Variants in DGKH observed in about 807,000 individuals in gnomAD.
DGKH encodes DAG kinase eta.
A neutral mutation model predicts 159.3 loss-of-function variants in DGKH; 90 were observed. The ratio of observed to expected loss-of-function variants is 0.57; its 90% CI spans 0.48 to 0.67. The LOEUF is 0.67. Ranked by LOEUF, DGKH falls within the 30% of genes least tolerant of loss-of-function variation. The probability of loss-of-function intolerance (pLI) is 0.00; values close to 1 mark genes in which losing one functional copy is unlikely to be tolerated. For synonymous variants in DGKH, 536 were observed against 553.8 expected (o/e 0.97, Z 0.45); for missense variants, 1,181 against 1,506.1 (o/e 0.78, Z 3.57).
intron 1 of DGKH, among the ~76,000 whole-genome samples, chr13:42,118,694 A>G (rs1013701615): frequency 1.3e-5 from 2 of 152,208 alleles, no homozygotes; most frequent in African/African-American, 4.8e-5. Flanking sequence ...CAAGTGGAGC[A>G]GAGGATATTT....
chr13:42,184,594 G>C (rs1956860301), intron 13 of DGKH, among the ~76,000 whole-genome samples: 1 of 152,078 alleles, frequency 6.6e-6, no homozygotes, highest in Non-Finnish European at 1.5e-5. Context: ...TTATGCAGTG[G>C]CTCACCCCTG....
intron 24 of DGKH, among the ~76,000 whole-genome samples, chr13:42,213,775 C>T (rs941987771): frequency 6.6e-6 from 1 of 152,190 alleles, no homozygotes; most frequent in Non-Finnish European, 1.5e-5. Flanking sequence ...TGCCTTCTTG[C>T]TCATCTGCAG....
intron 9 of DGKH, among the ~76,000 whole-genome samples, chr13:42,167,281 G>A (rs1367595588): frequency 2.0e-5 from 3 of 152,094 alleles, no homozygotes; most frequent in East Asian, 3.9e-4. Flanking sequence ...CTTAAGAGGC[G>A]ATATTATGTC....
intron 30 of DGKH, among the ~76,000 whole-genome samples, chr13:42,255,718 C>A (rs957538256): frequency 6.6e-6 from 1 of 152,022 alleles, no homozygotes; most frequent in African/African-American, 2.4e-5. Flanking sequence ...TAAATGAGTT[C>A]CTAATAAATA....
intron 11 of DGKH, among the ~76,000 whole-genome samples, chr13:42,171,930 C>T (rs1187737060): frequency 6.7e-6 from 1 of 150,038 alleles, no homozygotes; most frequent in Non-Finnish European, 1.5e-5. Context: ...CCCAGGTTCA[C>T]GCCATTCTCC....
chr13:42,224,006 G>A (rs1014193791), intron 29 of DGKH, among the ~76,000 whole-genome samples: 5 of 152,004 alleles, frequency 3.3e-5, no homozygotes, highest in Admixed American at 6.6e-5. Context: ...TTGTCTTCCC[G>A]TGTCTTCTTG....
chr13:42,141,862 G>C (rs1017664081), intron 3 of DGKH, among the ~76,000 whole-genome samples: 2 of 151,730 alleles, frequency 1.3e-5, no homozygotes, highest in African/African-American at 2.4e-5. Context: ...TCACTCTGAT[G>C]GTAGTTTCTT....
rs935791456 is a variant in DGKH, at chr13:42,236,562, T to G, written c.*7374T>G. ...GTCACAACTTATTTTCTGTAGCCAATTCTCAGTTTTAGTTGAAGAGAGATC... is the reference window on the plus strand; with the variant it reads ...GTCACAACTTATTTTCTGTAGCCAAGTCTCAGTTTTAGTTGAAGAGAGATC... On this transcript the variant is annotated 3_prime_UTR_variant, in exon 30 of 30. Transcript: ENST00000337343. 2 of 152,210 alleles carry G rather than the reference T, an allele frequency of 1.3e-5. No individual in the cohort carries two copies. The highest frequency in any genetic ancestry group is 4.8e-5 in the African/African-American group (2 of 41,460). The allele number at this position is 152,210 out of a possible 1,614,324, so 9.4% of individuals were successfully genotyped here.
At chr13:42,069,886 T>G in intron 1 of DGKH, 1 of 740,124 alleles carries the variant, frequency 1.4e-6, no homozygotes, top group South Asian at 1.8e-5. Flanking sequence ...CCGATCTCCA[T>G]CCAAATAATT....
intron 1 of DGKH, among the ~76,000 whole-genome samples, chr13:42,080,929 G>C (rs1286445076): frequency 6.6e-6 from 1 of 152,004 alleles, no homozygotes; most frequent in Non-Finnish European, 1.5e-5. Flanking sequence ...TCACTTTACA[G>C]GCGAGGAAAC....
rs1378705139 is a variant in DGKH at position 42,232,117 on chromosome 13, G to T, written c.*2929G>T. 1.3e-5 allele frequency: 2 copies of T among 152,190 alleles called. No individual in the cohort carries two copies. Among genetic ancestry groups the T allele is most frequent in the African/African-American group, 4.8e-5 (2 of 41,424 alleles). 9.4% of individuals were successfully genotyped at this position (152,190 alleles called of 1,614,324 possible). On this transcript the variant is annotated 3_prime_UTR_variant, in exon 30 of 30. Coordinates refer to ENST00000337343, the MANE Select transcript of DGKH (RefSeq NM_178009.5). ...GGTTACCAAAAAAAATAAAAAGTAG[G>T]GAAGAGCTTCTCCATGGGATCAGAT...
At chr13:42,189,467 T>C (rs927914717) in intron 15 of DGKH, among the ~76,000 whole-genome samples, 158 bp downstream of exon 15, 2 of 152,144 alleles carry the variant, frequency 1.3e-5, no homozygotes, top group Non-Finnish European at 2.9e-5. Context: ...TTGTACATAG[T>C]CTTATATATT....
At chr13:42,065,047 G>C (rs1320315501) in intron 1 of DGKH, among the ~76,000 whole-genome samples, 2 of 152,234 alleles carry the variant, frequency 1.3e-5, no homozygotes, top group South Asian at 4.2e-4. Flanking sequence ...CCTTCAGCCT[G>C]GCATACAGTA....
chr13:42,217,111 A>G (rs77139432), intron 26 of DGKH, among the ~76,000 whole-genome samples: 16,451 of 152,274 alleles, frequency 0.11, 1,125 homozygotes, highest in Non-Finnish European at 0.15. Flanking sequence ...TATTACAATA[A>G]GGAATTGATT....
intron 3 of DGKH, among the ~76,000 whole-genome samples, chr13:42,141,028 C>CCATTAACTCGTCACTTACATTAGGTATAT (rs55860412): frequency 1.9e-5 from 1 of 52,094 alleles, no homozygotes; most frequent in African/African-American, 6.6e-5. Flanking sequence ...TGTGCTGAAC[C>CCATTAACTCGTCACTTACATTAGGTATAT]CTCCTAATGC....
intron 1 of DGKH, among the ~76,000 whole-genome samples, chr13:42,056,223 A>G (rs1361384265): frequency 1.3e-5 from 2 of 151,010 alleles, no homozygotes; most frequent in African/African-American, 4.9e-5. Context: ...ATAGTTCCTT[A>G]TTTTTTTTTC....
chr13:42,059,825 G>A (rs1220963767), intron 1 of DGKH, among the ~76,000 whole-genome samples: 1 of 151,286 alleles, frequency 6.6e-6, no homozygotes, highest in Non-Finnish European at 1.5e-5. Context: ...ACTGCTTCTT[G>A]CCAATTTGGA....
intron 23 of DGKH, among the ~76,000 whole-genome samples, chr13:42,209,734 A>G (rs76554944): frequency 0.021 from 3,189 of 152,262 alleles, 56 homozygotes; most frequent in Non-Finnish European, 0.03. Flanking sequence ...TTCCCTACAC[A>G]TGTAAATTCC....
intron 1 of DGKH, chr13:42,066,429 T>A (rs184677158): frequency 6.6e-6 from 1 of 152,304 alleles, no homozygotes; most frequent in Admixed American, 6.5e-5. Context: ...TTACTGCAAT[T>A]TGCTGACATT....
Sources: allele counts gnomAD v4.1 joint callset (sites outside exome capture counted in the v4.1 genomes callset), GRCh38; gene constraint gnomAD v4.1.1; transcripts MANE v1.5; gene names NCBI Gene and HGNC (gene_info 2026-07-23, HGNC 2026-07-21).